Variants in QTRT1 observed in about 807,000 individuals in gnomAD.
QTRT1 encodes the protein queuine tRNA-ribosyltransferase catalytic subunit 1, also known as TGT, 43-KD subunit.
QTRT1 carries 41 observed loss-of-function variants against 44.0 expected under a neutral mutation model. The ratio of observed to expected loss-of-function variants is 0.93; its 90% CI spans 0.73 to 1.21. The LOEUF is 1.21. Ranked by LOEUF, QTRT1 falls within the 50% of genes most tolerant of loss-of-function variation. The pLI, the probability that QTRT1 is intolerant of heterozygous loss-of-function variation, is 0.00. For synonymous variants in QTRT1, 226 were observed against 237.1 expected, an observed-to-expected ratio of 0.95 and a Z score of 0.43; for missense variants, 542 against 575.8, an observed-to-expected ratio of 0.94 and a Z score of 0.60.
rs752448084 is a variant in QTRT1, at chr19:10,701,682, C to G, written c.222C>G (p.Thr74=). The change falls in exon 1 of 10, where the codon ACC becomes ACG. Residue 74 remains threonine (T), a synonymous_variant. Transcript: ENST00000250237. ...GTTGCCGCATCTGCCTGGGCAATAC[C>G]TACCATCTGGGTCTAAGGCCGGTGG... ...ALGCRICLGN[T]YHLGLRPGPE... 2 of 1,584,590 alleles carry G rather than the reference C, an allele frequency of 1.3e-6. No individual in the cohort carries two copies. Among genetic ancestry groups the G allele is most frequent in the Non-Finnish European group, 1.7e-6 (2 of 1,166,570 alleles).
Position 10,701,465 on chromosome 19 carries a change from C to A in QTRT1, c.5C>A (p.Ala2Glu), listed in dbSNP as rs2068688002. The change falls in exon 1 of 10, where the codon GCG becomes GAG. Residue 2 changes from alanine to glutamate, a missense_variant. Transcript: ENST00000250237. M[A>E]GAATQASLES... is the part of the protein sequence containing the mutation. ...CACGTGGTTCCGACAGTCAAGATGG[C>A]GGGAGCAGCTACCCAGGCTTCCCTG... 2 of 1,546,016 alleles carry A rather than the reference C, an allele frequency of 1.3e-6. No individual in the cohort carries two copies.
At position 10,713,171 on chromosome 19, in the gene QTRT1, C is replaced by T. The variant is rs773330704; in HGVS notation, c.1113C>T (p.Asp371=). ...GCATCGTGGAGAAGCGCTTCCCGGA[C>T]TTCGTGCGGGACTTCATGGGCGCCA... is the stretch of plus-strand genomic sequence containing the variant. ...RTSIVEKRFP[D]FVRDFMGAMY... is the part of the protein sequence containing the mutation. Residue 371 remains aspartate (D), a synonymous_variant, in exon 10 of 10, where the codon GAC becomes GAT. Coordinates refer to ENST00000250237, the MANE Select transcript of QTRT1 (RefSeq NM_031209.3). This position sits in a 1 kb window ranked among gnomAD's most constrained non-coding sequence, Gnocchi z 4.3. 2 of 1,609,714 alleles carry T rather than the reference C, an allele frequency of 1.2e-6. No homozygotes were observed. Among genetic ancestry groups the T allele is most frequent in the Admixed American group, 3.3e-5 (2 of 59,850 alleles).
At chr19:10,708,009 G>T (rs1235037397) in intron 5 of QTRT1, among the ~76,000 whole-genome samples, 1 of 150,606 alleles carries the variant, frequency 6.6e-6, no homozygotes, top group Non-Finnish European at 1.5e-5. Context: ...GTGCTGTGGC[G>T]CGATCTCGGC....
At chr19:10,707,762 A>C (rs889408389) in intron 5 of QTRT1, 147 bp downstream of exon 5, 82 of 560,818 alleles carry the variant, frequency 1.5e-4, no homozygotes, top group Admixed American at 1.6e-4. Flanking sequence ...GGCCACGTGC[A>C]GTAGAATGTA....
chr19:10,703,111 G>T (rs1321271736), intron 3 of QTRT1, among the ~76,000 whole-genome samples: 2 of 140,726 alleles, frequency 1.4e-5, no homozygotes, highest in African/African-American at 5.3e-5. Flanking sequence ...CGCCCAGGCT[G>T]GAGTGCAATG....
At chr19:10,704,691 G>A (rs1363285651) in intron 3 of QTRT1, among the ~76,000 whole-genome samples, 3 of 149,398 alleles carry the variant, frequency 2.0e-5, no homozygotes, top group Non-Finnish European at 3.0e-5. Flanking sequence ...GGGTTCAAGC[G>A]ATTCTCCTGC....
chr19:10,704,779 G>T (rs2068705495), intron 3 of QTRT1, among the ~76,000 whole-genome samples: 1 of 151,816 alleles, frequency 6.6e-6, no homozygotes, highest in African/African-American at 2.4e-5. Flanking sequence ...TAGAGACGGG[G>T]TTTCTCCATG....
intron 3 of QTRT1, among the ~76,000 whole-genome samples, chr19:10,704,589 C>A (rs1052509712): frequency 6.6e-6 from 1 of 150,864 alleles, no homozygotes; most frequent in Non-Finnish European, 1.5e-5. Context: ...CCACCGCACC[C>A]GGCCTCTTTT....
At chr19:10,711,855 A>G in intron 5 of QTRT1, 2 of 486,832 alleles carry the variant, frequency 4.1e-6, no homozygotes, top group East Asian at 3.8e-5. Flanking sequence ...AGTTTCAGCT[A>G]AGGGACTGTG....
chr19:10,701,647 G>GCA lies in QTRT1; in HGVS notation c.187_188insCA (p.Asp63AlafsTer18). 6.3e-7 allele frequency: 1 copy of GCA among 1,597,856 alleles called. No individual in the cohort carries two copies. Among genetic ancestry groups the GCA allele is most frequent in the Non-Finnish European group, 8.5e-7 (1 of 1,173,394 alleles). On this transcript the variant is annotated frameshift_variant, in exon 1 of 10. Transcript: ENST00000250237. LOFTEE classifies it high-confidence loss of function. ...GAAGGGCATCACGACCGAACAGCTG[G>GCA]ACGCTCTGGGTTGCCGCATCTGCCT... is the stretch of plus-strand genomic sequence containing the variant.
chr19:10,703,419 C>T (rs533113850), intron 3 of QTRT1, among the ~76,000 whole-genome samples: 1 of 152,172 alleles, frequency 6.6e-6, no homozygotes, highest in South Asian at 2.1e-4. Context: ...ACCCCTCTTC[C>T]CCTCATCATT....
chr19:10,702,503 T>TC (rs2068694822), intron 3 of QTRT1, among the ~76,000 whole-genome samples: 1 of 152,072 alleles, frequency 6.6e-6, no homozygotes, highest in African/African-American at 2.4e-5. Context: ...TTGCAGTTTT[T>TC]CTCTCATTAG....
Position 10,713,201 on chromosome 19 carries a change from C to T in QTRT1, c.1143C>T (p.Tyr381=), listed in dbSNP as rs188263528. The change falls in exon 10 of 10, where the codon TAC becomes TAT. Residue 381 remains tyrosine (Y), a synonymous_variant. Coordinates refer to ENST00000250237, the MANE Select transcript of QTRT1 (RefSeq NM_031209.3). This position sits in a 1 kb window ranked among gnomAD's most constrained non-coding sequence, Gnocchi z 4.3. ...DFVRDFMGAM[Y]GDPTLCPTWA... is the part of the protein sequence containing the mutation. ...TGCGGGACTTCATGGGCGCCATGTA[C>T]GGGGATCCCACCCTCTGTCCCACCT... 77 of 1,608,896 alleles carry T rather than the reference C, an allele frequency of 4.8e-5. No individual in the cohort carries two copies. Among genetic ancestry groups the T allele is most frequent in the African/African-American group, 1.5e-4 (11 of 74,968 alleles).
At chr19:10,711,881 G>C in intron 5 of QTRT1, 1 of 544,138 alleles carries the variant, frequency 1.8e-6, no homozygotes, top group East Asian at 3.2e-5. Flanking sequence ...TGCCTCTTCT[G>C]AGTACTGAAG....
chr19:10,713,105 C>G lies in QTRT1; in HGVS notation c.1060-13C>G. On this transcript the variant is annotated splice_polypyrimidine_tract_variant and intron_variant, in intron 9 of 9. Coordinates refer to ENST00000250237, the MANE Select transcript of QTRT1 (RefSeq NM_031209.3). This position sits in a 1 kb window ranked among gnomAD's most constrained non-coding sequence, Gnocchi z 4.3. ...AGGTGCGTATGCCCCACGCTGACCT[C>G]CCCTCCCCGCAGCTGCAGCTCATGA... 1 of 1,608,658 alleles carries G rather than the reference C, an allele frequency of 6.2e-7. No individual in the cohort carries two copies. Among genetic ancestry groups the G allele is most frequent in the Non-Finnish European group, 8.5e-7 (1 of 1,179,426 alleles).
Position 10,712,997 on chromosome 19 carries a change from C to G in QTRT1, c.1016C>G (p.Thr339Arg). The change falls in exon 9 of 10, where the codon ACG becomes AGG. Residue 339 changes from threonine to arginine, a missense_variant. By Grantham distance (71) the Thr-to-Arg change is moderately conservative (BLOSUM62 -1). Coordinates refer to ENST00000250237, the MANE Select transcript of QTRT1 (RefSeq NM_031209.3). This position sits in a 1 kb window ranked among gnomAD's most constrained non-coding sequence, Gnocchi z 5.6. ...CACGCACTGCTGCACAGTGACAACA[C>G]GGCCGCGCTGCACCACCTCACGGTC... is the stretch of plus-strand genomic sequence containing the variant. ...FLHALLHSDN[T>R]AALHHLTVHN... 2.5e-6 allele frequency: 4 copies of G among 1,612,088 alleles called. No homozygotes were observed. Among genetic ancestry groups the G allele is most frequent in the Non-Finnish European group, 3.4e-6 (4 of 1,179,912 alleles).
Position 10,707,287 on chromosome 19 carries a change from C to T in QTRT1, c.452-15C>T. 6.2e-7 allele frequency: 1 copy of T among 1,613,644 alleles called. No homozygotes were observed. The highest frequency in any genetic ancestry group is 8.5e-7 in the Non-Finnish European group (1 of 1,179,558). On this transcript the variant is annotated splice_polypyrimidine_tract_variant and intron_variant, in intron 3 of 9. Coordinates refer to ENST00000250237, the MANE Select transcript of QTRT1 (RefSeq NM_031209.3). ...GCGGGCTTTCCCAGTGATGTTGCCC[C>T]CATCTCACCATCAGGCTCGGACATC...
chr19:10,702,595 G>A (rs1326404310), intron 3 of QTRT1, among the ~76,000 whole-genome samples: 1 of 151,776 alleles, frequency 6.6e-6, no homozygotes, highest in African/African-American at 2.4e-5. Context: ...CTTGAGGCCG[G>A]GAGTTGGAGA....
chr19:10,709,703 G>T (rs1195319166), intron 5 of QTRT1, among the ~76,000 whole-genome samples: 1 of 152,192 alleles, frequency 6.6e-6, no homozygotes, highest in East Asian at 1.9e-4. Flanking sequence ...GAAAAAATTA[G>T]CTGGGCGTGG....
Sources: gnomAD v4.1 joint callset for allele counts (sites outside exome capture counted in the v4.1 genomes callset) on GRCh38, gnomAD v4.1.1 for gene constraint, Gnocchi (gnomAD v3.1) non-coding constraint, MANE v1.5 for transcripts, NCBI Gene and HGNC (gene_info 2026-07-23, HGNC 2026-07-21) for gene names.